The following APOA5 variants were observed in gnomAD, a reference collection of about 807,000 sequenced individuals.
APOA5 encodes the protein apolipoprotein A5, also known as apolipoprotein A-V.
A neutral mutation model predicts 31.8 loss-of-function variants in APOA5; 26 were observed. The ratio of observed to expected loss-of-function variants is 0.82; its 90% CI spans 0.60 to 1.13. The LOEUF is 1.13. APOA5 is among the 50% of genes most tolerant of loss of function. The pLI is 0.00. For missense variants in APOA5, 450 were observed against 488.0 expected (o/e 0.92, Z 0.73); for synonymous variants, 186 against 198.5 (o/e 0.94, Z 0.53).
At position 116,790,570 on chromosome 11, in the gene APOA5, C is replaced by T. The variant is rs1205293123; in HGVS notation, c.659G>A (p.Ser220Asn). ...HRSVAPHAPA[S>N]PARLSRCVQV... ...CACGCAGCGACTGAGGCGCGCGGGG[C>T]TGGCGGGGGCGTGCGGAGCCACACT... The change falls in exon 3 of 3, where the codon AGC (serine) becomes AAC (asparagine). Residue 220 changes from serine to asparagine, a missense_variant. Physicochemically the swap from Ser to Asn is conservative, Grantham distance 46. Coordinates refer to ENST00000227665, the MANE Select transcript of APOA5 (RefSeq NM_001371904.1). 6.3e-7 allele frequency: 1 copy of T among 1,596,634 alleles called. No individual in the cohort carries two copies. Among genetic ancestry groups the T allele is most frequent in the Non-Finnish European group, 8.5e-7 (1 of 1,176,368 alleles).
At chr11:116,792,038 G>A (rs1941023730), upstream of APOA5, 1 of 686,600 alleles carries the variant, frequency 1.5e-6, no homozygotes, top group African/African-American at 1.8e-5. Context: ...ACTGACCTAG[G>A]TGAGTCAAGG....
At chr11:116,791,963 A>G (rs1047033726), upstream of APOA5, 33 of 1,301,628 alleles carry the variant, frequency 2.5e-5, no homozygotes, top group Admixed American at 6.4e-4. Context: ...TGCAGGGGCA[A>G]CTGCCCGAAA....
chr11:116,790,513 G>A lies in APOA5; in HGVS notation c.716C>T (p.Ala239Val). Reference sequence around the variant, plus strand: ...CTGGATGCGTGCGTGCAGGGCCTTGGCCTTGAGCGTGAGCTTCCGGGAGAG... The same window carrying A: ...CTGGATGCGTGCGTGCAGGGCCTTGACCTTGAGCGTGAGCTTCCGGGAGAG... ...QVLSRKLTLK[A>V]KALHARIQQN... Residue 239 changes from alanine to valine, a missense_variant, in exon 3 of 3, where the codon GCC (alanine) becomes GTC (valine). Coordinates refer to ENST00000227665, the MANE Select transcript of APOA5 (RefSeq NM_001371904.1). 1 of 1,599,698 alleles carries A rather than the reference G, an allele frequency of 6.3e-7. No homozygotes were observed. Among genetic ancestry groups the A allele is most frequent in the Non-Finnish European group, 8.5e-7 (1 of 1,178,004 alleles).
At chr11:116,791,935 A>G (rs1941021886), upstream of APOA5, 4 of 1,554,320 alleles carry the variant, frequency 2.6e-6, no homozygotes, top group East Asian at 6.8e-5. Context: ...GGCGCAGGGG[A>G]CTTGCCCAGG....
At chr11:116,791,959 G>T, upstream of APOA5, 1 of 1,355,082 alleles carries the variant, frequency 7.4e-7, no homozygotes. Context: ...CCTCTGCAGG[G>T]GCAACTGCCC....
At position 116,790,749 on chromosome 11, in the gene APOA5, G is replaced by A. The variant is rs530069257; in HGVS notation, c.480C>T (p.Ala160=). ...QLRVVGEDTK[A]QLLGGVDEAW... is the part of the protein sequence containing the mutation. ...CCTCGTCCACGCCCCCCAGCAACTG[G>A]GCCTTGGTGTCTTCCCCCACCACGC... The change falls in exon 3 of 3, where the codon GCC becomes GCT. Residue 160 remains alanine (A), a synonymous_variant. Coordinates refer to ENST00000227665, the MANE Select transcript of APOA5 (RefSeq NM_001371904.1). The A allele has an allele frequency of 1.2e-6, 2 of 1,613,204 alleles. No homozygotes were observed. The highest frequency in any genetic ancestry group is 1.7e-6 in the Non-Finnish European group (2 of 1,179,958).
In APOA5 at chr11:116,791,030, T is replaced by C. The variant is rs372084940; in HGVS notation, c.199A>G (p.Met67Val). 1.9e-6 allele frequency: 3 copies of C among 1,610,990 alleles called. No homozygotes were observed. The African/African-American group carries it at 4.0e-5, about 22-fold the overall frequency. ...KDSLEQDLNN[M>V]NKFLEKLRPL... is the part of the protein sequence containing the mutation. ...CTCAGCTTTTCCAGGAACTTGTTCA[T>C]ATTGTTGAGGTCTTGCTCAAGGCTG... The change falls in exon 3 of 3, where the codon ATG (methionine) becomes GTG (valine). Residue 67 changes from methionine (M) to valine (V), a missense_variant. By Grantham distance (21) the Met-to-Val change is conservative (BLOSUM62 1). Coordinates refer to ENST00000227665, the MANE Select transcript of APOA5 (RefSeq NM_001371904.1).
chr11:116,792,026 G>A (rs1941023543), upstream of APOA5: 3 of 736,648 alleles, frequency 4.1e-6, no homozygotes, highest in South Asian at 1.6e-5. Context: ...GGGCTCAAGA[G>A]GACTGACCTA....
At chr11:116,792,300 A>G (rs1591314279), upstream of APOA5, 1 of 289,006 alleles carries the variant, frequency 3.5e-6, no homozygotes, top group East Asian at 8.8e-5. Context: ...CTTAGGGGCC[A>G]CCCCAGGCTC....
chr11:116,791,472 T>C, intron 2 of APOA5, 114 bp downstream of exon 2: 1 of 1,123,188 alleles, frequency 8.9e-7, no homozygotes, highest in Non-Finnish European at 1.3e-6. Flanking sequence ...CTAGCACCGC[T>C]CCTTTCCTCT....
rs139630081 is a variant in APOA5, at chr11:116,791,662, C to T, written c.85G>A (p.Asp29Asn). 47 of 1,610,768 alleles carry T rather than the reference C, an allele frequency of 2.9e-5. No homozygotes were observed. The highest frequency in any genetic ancestry group is 3.8e-5 in the Non-Finnish European group (45 of 1,178,438). ...SATQARKGFW[D>N]YFSQTSGDKG... is the part of the protein sequence containing the mutation. Reference sequence around the variant, plus strand: ...TCCCCGCTGGTCTGGCTGAAGTAGTCCCAGAAGCCTTTCCGTGCCTGGGTG... The same window carrying T: ...TCCCCGCTGGTCTGGCTGAAGTAGTTCCAGAAGCCTTTCCGTGCCTGGGTG... Residue 29 changes from aspartate (D) to asparagine (N), a missense_variant, in exon 2 of 3, where the codon GAC (aspartate) becomes AAC (asparagine). Asp to Asn is a conservative substitution (Grantham distance 23, BLOSUM62 1). Coordinates refer to ENST00000227665, the MANE Select transcript of APOA5 (RefSeq NM_001371904.1).
Position 116,790,999 on chromosome 11 carries a change from A to G in APOA5, c.230T>C (p.Leu77Pro). Residue 77 changes from leucine (L) to proline (P), a missense_variant, in exon 3 of 3, where the codon CTG becomes CCG. Physicochemically the swap from Leu to Pro is moderately conservative, Grantham distance 98. Transcript: ENST00000227665. ...GAGCCGAGGAGCCTCGCTCCCACTC[A>G]GAGGCCTCAGCTTTTCCAGGAACTT... ...MNKFLEKLRP[L>P]SGSEAPRLPQ... 1 of 1,611,464 alleles carries G rather than the reference A, an allele frequency of 6.2e-7. No homozygotes were observed. The highest frequency in any genetic ancestry group is 8.5e-7 in the Non-Finnish European group (1 of 1,179,010).
chr11:116,790,763 C>A lies in APOA5; in HGVS notation c.466G>T (p.Glu156Ter), dbSNP rs761704440. 1.9e-6 allele frequency: 3 copies of A among 1,613,250 alleles called. No homozygotes were observed. Among genetic ancestry groups the A allele is most frequent in the Non-Finnish European group, 1.7e-6 (2 of 1,179,974 alleles). ...CCCAGCAACTGGGCCTTGGTGTCTT[C>A]CCCCACCACGCGCAACTGCTCCTGC... Reference protein sequence around the residue: ...ELQEQLRVVGEDTKAQLLGGV... With the variant: ...ELQEQLRVVG Residue 156 changes from glutamate to a stop codon, truncating the protein, a stop_gained, in exon 3 of 3, where the codon GAA (glutamate) becomes TAA (stop). Transcript: ENST00000227665. LOFTEE classifies it high-confidence loss of function.
rs147142271 is a variant in APOA5 at position 116,791,061 on chromosome 11, C to T, written c.168G>A (p.Leu56=). The T allele has an allele frequency of 4.8e-4, 780 of 1,610,360 alleles. No individual in the cohort carries two copies. Among genetic ancestry groups the T allele is most frequent in the Non-Finnish European group, 6.1e-4 (715 of 1,179,582 alleles). Reference sequence around the variant, plus strand: ...TGAGGTCTTGCTCAAGGCTGTCTTTCAGGGTCCTGGAGAAGGGGACAGATA... The same window carrying T: ...TGAGGTCTTGCTCAAGGCTGTCTTTTAGGGTCCTGGAGAAGGGGACAGATA... ...QQKMAREPAT[L]KDSLEQDLNN... is the part of the protein sequence containing the mutation. The change falls in exon 3 of 3, where the codon CTG becomes CTA. Residue 56 remains leucine, a synonymous_variant. Coordinates refer to ENST00000227665, the MANE Select transcript of APOA5 (RefSeq NM_001371904.1).
Position 116,790,428 on chromosome 11 carries a change from C to T in APOA5, c.801G>A (p.Glu267=), listed in dbSNP as rs1940977727. 4 of 1,605,908 alleles carry T rather than the reference C, an allele frequency of 2.5e-6. No individual in the cohort carries two copies. The East Asian group carries it at 8.9e-5, about 36-fold the overall frequency. Residue 267 remains glutamate, a synonymous_variant, in exon 3 of 3, where the codon GAG becomes GAA. Coordinates refer to ENST00000227665, the MANE Select transcript of APOA5 (RefSeq NM_001371904.1). Reference sequence around the variant, plus strand: ...TCTGGGGGTCCGGGCCGGCCCCTTCCTCAGTCCCAGTGCCTGCAAAGGCTC... The same window carrying T: ...TCTGGGGGTCCGGGCCGGCCCCTTCTTCAGTCCCAGTGCCTGCAAAGGCTC... The part of the protein sequence containing the change: ...LSRAFAGTGT[E]EGAGPDPQML...
At position 116,790,522 on chromosome 11, in the gene APOA5, G is replaced by A. The variant is rs751344537; in HGVS notation, c.707C>T (p.Thr236Met). ...TGCGTGCAGGGCCTTGGCCTTGAGC[G>A]TGAGCTTCCGGGAGAGCACCTGCAC... ...RCVQVLSRKL[T>M]LKAKALHARI... Residue 236 changes from threonine to methionine, a missense_variant, in exon 3 of 3, where the codon ACG becomes ATG. Coordinates refer to ENST00000227665, the MANE Select transcript of APOA5 (RefSeq NM_001371904.1). The A allele has an allele frequency of 2.1e-5, 34 of 1,598,942 alleles. No individual in the cohort carries two copies. Among genetic ancestry groups the A allele is most frequent in the Non-Finnish European group, 2.8e-5 (33 of 1,177,390 alleles).
intron 1 of APOA5, 30 bp from the exon 2 acceptor site, chr11:116,791,727 T>C (rs1285822795): frequency 1.1e-5 from 18 of 1,610,566 alleles, no homozygotes; most frequent in Non-Finnish European, 1.4e-5. Context: ...AATCAGGGCC[T>C]GGGCTCTCCT....
rs1940956801 is a variant in APOA5, at chr11:116,789,666, CT to C, written c.*461del. 3.8e-6 allele frequency: 1 copy of C among 262,052 alleles called. No homozygotes were observed. Among genetic ancestry groups the C allele is most frequent in the Admixed American group, 4.9e-5 (1 of 20,392 alleles). The allele number at this position is 262,052 out of a possible 1,614,324, so 16.2% of individuals were successfully genotyped here. On this transcript the variant is annotated 3_prime_UTR_variant, in exon 3 of 3. Coordinates refer to ENST00000227665, the MANE Select transcript of APOA5 (RefSeq NM_001371904.1). ...TATTCTCTTTCTCCCTTCTATTCCC[CT>C]GATAGCTGCCATGGCAGCCCTGGGG...
chr11:116,790,127 C>T lies in APOA5; in HGVS notation c.*1G>A. ...GGGAATGGGCCTGGGCAGGTAGATC[C>T]TCAGGGGTCCCCCAGATGGCTGTGG... On this transcript the variant is annotated 3_prime_UTR_variant, in exon 3 of 3. Coordinates refer to ENST00000227665, the MANE Select transcript of APOA5 (RefSeq NM_001371904.1). 6.2e-7 allele frequency: 1 copy of T among 1,614,036 alleles called. No homozygotes were observed. The highest frequency in any genetic ancestry group is 1.3e-5 in the African/African-American group (1 of 75,070).
Sources: allele counts gnomAD v4.1 joint callset, GRCh38; gene constraint gnomAD v4.1.1; transcripts MANE v1.5; gene names NCBI Gene and HGNC (gene_info 2026-07-23, HGNC 2026-07-21).